The following CELSR1 variants were observed in gnomAD, a reference collection of about 807,000 sequenced individuals.
CELSR1 encodes cadherin EGF LAG seven-pass G-type receptor 1.
Under a neutral mutation model 249.1 loss-of-function variants are expected in CELSR1, and 110 were observed. The ratio of observed to expected loss-of-function variants is 0.44; its 90% CI spans 0.38 to 0.52. CELSR1 has a LOEUF of 0.52. Ranked by LOEUF, CELSR1 falls within the 20% of genes least tolerant of loss-of-function variation. The pLI, the probability that CELSR1 is intolerant of heterozygous loss-of-function variation, is 0.00. For missense variants in CELSR1, 4,109 were observed against 4,296.4 expected, an observed-to-expected ratio of 0.96 and a Z score of 1.22; for synonymous variants, 2,113 against 1,900.0, an observed-to-expected ratio of 1.11 and a Z score of -2.92.
At position 46,384,547 on chromosome 22, in the gene CELSR1, T is replaced by C; in HGVS notation, c.6879A>G (p.Glu2293=). ...CAGGTTTCTAAGCGGTTTTACCTTT[T>C]TCTTCAGGTGGTCTGAAGAAGTCGG... The part of the protein sequence containing the change: ...FPADFFRPPE[E]KEGPLLRPAG... Residue 2293 remains glutamate (E), a synonymous_variant, in exon 20 of 35, where the codon GAA becomes GAG. Transcript: ENST00000674500. 1 of 1,605,214 alleles carries C rather than the reference T, an allele frequency of 6.2e-7. No individual in the cohort carries two copies. Among genetic ancestry groups the C allele is most frequent in the Non-Finnish European group, 8.5e-7 (1 of 1,175,792 alleles).
rs9627477 is a variant in CELSR1 at position 46,484,662 on chromosome 22, G to A, written c.3545-20317C>T. On this transcript the variant is annotated intron_variant, in intron 1 of 34. Coordinates refer to ENST00000674500, the MANE Select transcript of CELSR1 (RefSeq NM_001378328.1). This position sits in a 1 kb window ranked among gnomAD's most constrained non-coding sequence, Gnocchi z 4.5. ...AGCACCTGTTTTGGCTGGGCATGGG[G>A]GTTCTGCCCCAGAGACCCTGTGGCC... Among the ~76,000 whole-genome samples, 29 of 143,566 alleles carry A rather than the reference G, an allele frequency of 2.0e-4. No homozygotes were observed. Among genetic ancestry groups the A allele is most frequent in the African/African-American group, 7.4e-4 (29 of 39,132 alleles). 94.2% of individuals were successfully genotyped at this position (143,566 alleles called of 152,430 possible).
intron 5 of CELSR1, among the ~76,000 whole-genome samples, chr22:46,419,323 G>A (rs78284458): frequency 0.11 from 16,776 of 152,206 alleles, 1,655 homozygotes; most frequent in African/African-American, 0.27. Context: ...TCCTTCTCTT[G>A]GGGATTTTAT....
In CELSR1 at chr22:46,363,735, A is replaced by C; in HGVS notation, c.9035+261T>G. ...CGCAGAGCCCAGCACCTTAGGTCCTAGCATTTTGGGGCTGGCCAGGGCTTC... is the reference window on the plus strand; with the variant it reads ...CGCAGAGCCCAGCACCTTAGGTCCTCGCATTTTGGGGCTGGCCAGGGCTTC... On this transcript the variant is annotated intron_variant, in intron 34 of 34. Coordinates refer to ENST00000674500, the MANE Select transcript of CELSR1 (RefSeq NM_001378328.1). This position sits in a 1 kb window ranked among gnomAD's most constrained non-coding sequence, Gnocchi z 4.3. The C allele has an allele frequency of 1.9e-6, 1 of 528,668 alleles. No individual in the cohort carries two copies. Among genetic ancestry groups the C allele is most frequent in the Non-Finnish European group, 3.3e-6 (1 of 302,662 alleles). 32.7% of individuals were successfully genotyped at this position (528,668 alleles called of 1,614,324 possible).
In CELSR1 at chr22:46,362,940, G is replaced by A. The variant is rs538529729; in HGVS notation, c.*283C>T. 22 of 577,490 alleles carry A rather than the reference G, an allele frequency of 3.8e-5. No homozygotes were observed. Among genetic ancestry groups the A allele is most frequent in the African/African-American group, 2.1e-4 (11 of 53,326 alleles). 35.8% of individuals were successfully genotyped at this position (577,490 alleles called of 1,614,324 possible). A position where few individuals can be genotyped will look rare whatever the true frequency, so the allele number is the denominator to read the frequency against. On this transcript the variant is annotated 3_prime_UTR_variant, in exon 35 of 35. Coordinates refer to ENST00000674500, the MANE Select transcript of CELSR1 (RefSeq NM_001378328.1). ...TTTGACTGCAGTCTTAGGACTCAGC[G>A]GTGCTGGCCCAGTGGTCCACGCCTC...
Position 46,423,433 on chromosome 22 carries a change from C to T in CELSR1, c.4611+9960G>A, listed in dbSNP as rs1346772062. 6.6e-6 allele frequency among the ~76,000 whole-genome samples: 1 copy of T among 151,212 alleles called. No individual in the cohort carries two copies. The highest frequency in any genetic ancestry group is 1.5e-5 in the Non-Finnish European group (1 of 67,882). ...AGACCAGCCTCAACATGGAGAAACC[C>T]CGTCTCTACTAAAAATACAAAATTA... On this transcript the variant is annotated intron_variant, in intron 5 of 34. Transcript: ENST00000674500. The surrounding 1 kb of genome is among the most constrained non-coding windows in gnomAD (Gnocchi z 5.6).
At position 46,534,564 on chromosome 22, in the gene CELSR1, G is replaced by T; in HGVS notation, c.2607C>A (p.Ile869=). 2 of 1,613,750 alleles carry T rather than the reference G, an allele frequency of 1.2e-6. No homozygotes were observed. Among genetic ancestry groups the T allele is most frequent in the Non-Finnish European group, 1.7e-6 (2 of 1,180,030 alleles). ...TLTIMAQDNG[I]PQKSDTTTLE... ...GGGTGGTGGTGTCTGATTTCTGCGG[G>T]ATGCCGTTGTCCTGGGCCATGATGG... The change falls in exon 1 of 35, where the codon ATC becomes ATA. Residue 869 remains isoleucine, a synonymous_variant. Transcript: ENST00000674500. This position sits in a 1 kb window ranked among gnomAD's most constrained non-coding sequence, Gnocchi z 9.7.
rs889334739 is a variant in CELSR1, at chr22:46,428,504, G to A, written c.4611+4889C>T. 5.3e-5 allele frequency among the ~76,000 whole-genome samples: 8 copies of A among 152,202 alleles called. No homozygotes were observed. The highest frequency in any genetic ancestry group is 9.6e-5 in the African/African-American group (4 of 41,452). On this transcript the variant is annotated intron_variant, in intron 5 of 34. Coordinates refer to ENST00000674500, the MANE Select transcript of CELSR1 (RefSeq NM_001378328.1). This position sits in a 1 kb window ranked among gnomAD's most constrained non-coding sequence, Gnocchi z 5.7. ...CAGGACTCCCGCTAGCTGAGCTCCC[G>A]TCTCACTAGCCCAGTGGTTCTCATC...
In CELSR1 at chr22:46,377,051, G is replaced by C; in HGVS notation, c.7584+10C>G. On this transcript the variant is annotated intron_variant, in intron 24 of 34. Coordinates refer to ENST00000674500, the MANE Select transcript of CELSR1 (RefSeq NM_001378328.1). ...CCCAGACAGTGGGGAGGGGAGCAGA[G>C]TGGCCATACCGGGTTTTCCGTCTGG... 1 of 1,611,658 alleles carries C rather than the reference G, an allele frequency of 6.2e-7. No homozygotes were observed. Among genetic ancestry groups the C allele is most frequent in the Non-Finnish European group, 8.5e-7 (1 of 1,179,598 alleles).
rs117623442 is a variant in CELSR1, at chr22:46,419,251, C to A, written c.4612-7492G>T. ...ATTTGCTCAGAGGGGGGTCTTCTTG[C>A]CAATGACAAATGAAGGGCCAAAATG... On this transcript the variant is annotated intron_variant, in intron 5 of 34. Coordinates refer to ENST00000674500, the MANE Select transcript of CELSR1 (RefSeq NM_001378328.1). Among the ~76,000 whole-genome samples, 31 of 152,236 alleles carry A rather than the reference C, an allele frequency of 2.0e-4. No homozygotes were observed. In the East Asian group the frequency reaches 6.0e-3, roughly 29 times the overall value.
At position 46,378,618 on chromosome 22, in the gene CELSR1, C is replaced by T. The variant is rs1258839850; in HGVS notation, c.7356G>A (p.Ala2452=). 1.6e-5 allele frequency: 26 copies of T among 1,591,882 alleles called. No individual in the cohort carries two copies. Among genetic ancestry groups the T allele is most frequent in the East Asian group, 6.8e-5 (3 of 43,988 alleles). Residue 2452 remains alanine, a synonymous_variant, in exon 23 of 35, where the codon GCG becomes GCA. Transcript: ENST00000674500. The part of the protein sequence containing the change: ...ACQCSHTASF[A]VLMDISRREN... Reference sequence around the variant, plus strand: ...CACGCCTGGAGATATCCATGAGCACCGCAAAGCTGGCTGTGTGGCTGCACT... The same window carrying T: ...CACGCCTGGAGATATCCATGAGCACTGCAAAGCTGGCTGTGTGGCTGCACT...
chr22:46,523,998 G>A (rs531164150), intron 1 of CELSR1, among the ~76,000 whole-genome samples: 59 of 152,290 alleles, frequency 3.9e-4, no homozygotes, highest in African/African-American at 9.6e-4. Context: ...CAGCCGTCCC[G>A]TTTCAGGCAA....
rs2078781961 is a variant in CELSR1, at chr22:46,366,408, C to T, written c.8278G>A (p.Ala2760Thr). Residue 2760 changes from alanine (A) to threonine (T), a missense_variant, in exon 30 of 35, where the codon GCC becomes ACC. Transcript: ENST00000674500. ...GACCTGACGATGCTGTCCAGCGAGG[C>T]GGTGGACTCGCCCAAGTCTGTGCGC... is the stretch of plus-strand genomic sequence containing the variant. The part of the protein sequence containing the change: ...MLRTDLGEST[A>T]SLDSIVRDEG... 7 of 1,549,678 alleles carry T rather than the reference C, an allele frequency of 4.5e-6. No individual in the cohort carries two copies. Among genetic ancestry groups the T allele is most frequent in the Middle Eastern group, 1.7e-4 (1 of 5,986 alleles).
intron 1 of CELSR1, among the ~76,000 whole-genome samples, chr22:46,466,396 G>T (rs967977326): frequency 6.6e-6 from 1 of 152,216 alleles, no homozygotes; most frequent in Non-Finnish European, 1.5e-5. Context: ...GGGCTGGAAG[G>T]TTCTGCCTCT....
chr22:46,385,898 T>C (rs12167914), intron 19 of CELSR1, among the ~76,000 whole-genome samples: 11,146 of 150,520 alleles, frequency 0.074, 1,412 homozygotes, highest in African/African-American at 0.26. Context: ...AGGATGGTCT[T>C]GATCTCCTGA....
At position 46,409,016 on chromosome 22, in the gene CELSR1, G is replaced by C. The variant is rs1039598928; in HGVS notation, c.5206C>G (p.Pro1736Ala). The C allele has an allele frequency of 2.5e-6, 4 of 1,610,224 alleles. No individual in the cohort carries two copies. The highest frequency in any genetic ancestry group is 1.7e-5 in the Admixed American group (1 of 59,682). ...SVLMEATSGG[P>A]TSFRLQILNN... is the part of the protein sequence containing the mutation. ...GTCACCTGGAGGCGAAAGCTGGTGG[G>C]CCCACCACTGGTGGCCTCCATCAGA... The change falls in exon 9 of 35, where the codon CCC (proline) becomes GCC (alanine). Residue 1736 changes from proline (P) to alanine (A), a missense_variant. This residue lies in a region of CELSR1 where 1,805 missense variants were observed against 1,831.6 expected (regional missense o/e 0.99). Transcript: ENST00000674500. This position sits in a 1 kb window ranked among gnomAD's most constrained non-coding sequence, Gnocchi z 9.8.
At chr22:46,384,841 G>A (rs963650250) in intron 19 of CELSR1, among the ~76,000 whole-genome samples, 155 bp from the exon 20 acceptor site, 1 of 152,106 alleles carries the variant, frequency 6.6e-6, no homozygotes, top group African/African-American at 2.4e-5. Flanking sequence ...CCAGGCTGGA[G>A]TGCAGTAGCG....
intron 18 of CELSR1, among the ~76,000 whole-genome samples, chr22:46,387,762 A>T (rs1044311127): frequency 3.9e-5 from 6 of 152,152 alleles, no homozygotes; most frequent in African/African-American, 1.2e-4. Context: ...ACTCTGGCAG[A>T]GTGAGCCCTG....
In CELSR1 at chr22:46,396,185, T is replaced by A. The variant is rs2079145568; in HGVS notation, c.5843+420A>T. Among the ~76,000 whole-genome samples, 2 of 152,054 alleles carry A rather than the reference T, an allele frequency of 1.3e-5. No homozygotes were observed. Among genetic ancestry groups the A allele is most frequent in the African/African-American group, 4.8e-5 (2 of 41,372 alleles). On this transcript the variant is annotated intron_variant, in intron 13 of 34. Transcript: ENST00000674500. This position sits in a 1 kb window ranked among gnomAD's most constrained non-coding sequence, Gnocchi z 6.4. ...ACTTTGGGAGGCTGAGGCAGGTGGATCACTTGAGGTCAGGAGTTCGAGACC... is the reference window on the plus strand; with the variant it reads ...ACTTTGGGAGGCTGAGGCAGGTGGAACACTTGAGGTCAGGAGTTCGAGACC...
At chr22:46,403,745 G>A (rs903159897) in intron 9 of CELSR1, among the ~76,000 whole-genome samples, 1 of 152,056 alleles carries the variant, frequency 6.6e-6, no homozygotes, top group Non-Finnish European at 1.5e-5. Context: ...GGTGGAGGCA[G>A]ACAGATCACC....
Sources: allele counts gnomAD v4.1 joint callset (sites outside exome capture counted in the v4.1 genomes callset), GRCh38; gene constraint gnomAD v4.1.1; regional missense constraint gnomAD v4.1.1; non-coding constraint Gnocchi (gnomAD v3.1); transcripts MANE v1.5; gene names NCBI Gene and HGNC (gene_info 2026-07-23, HGNC 2026-07-21).